Variants in DLGAP2 observed in about 807,000 individuals in gnomAD.
The protein encoded by DLGAP2 is disks large-associated protein 2.
Under a neutral mutation model 100.3 loss-of-function variants are expected in DLGAP2, and 26 were observed. The ratio of observed to expected loss-of-function variants is 0.26; its 90% CI spans 0.19 to 0.36. The LOEUF is 0.36. Among genes scored for constraint, DLGAP2 ranks in the 10% least tolerant of loss-of-function variants. DLGAP2 has a pLI of 1.00. For synonymous variants in DLGAP2, 886 were observed against 630.1 expected, an observed-to-expected ratio of 1.41 and a Z score of -6.08; for missense variants, 1,858 against 1,453.2, an observed-to-expected ratio of 1.28 and a Z score of -4.53.
chr8:1,354,638 T>C (rs1801808256), intron 3 of DLGAP2, among the ~76,000 whole-genome samples: 2 of 147,840 alleles, frequency 1.4e-5, no homozygotes, highest in African/African-American at 5.0e-5. Context: ...AAGTCACGGA[T>C]GATGCTGCGG....
At chr8:953,711 C>T (rs1006757642) in intron 2 of DLGAP2, among the ~76,000 whole-genome samples, 2 of 152,040 alleles carry the variant, frequency 1.3e-5, no homozygotes, top group African/African-American at 4.8e-5. Context: ...GGAGCTGACG[C>T]TGTCACAGTG....
chr8:1,445,963 T>C (rs1797975056), intron 3 of DLGAP2, among the ~76,000 whole-genome samples: 1 of 152,202 alleles, frequency 6.6e-6, no homozygotes, highest in Non-Finnish European at 1.5e-5. Context: ...GTAAATTTGT[T>C]TGAGTTCATT....
intron 2 of DLGAP2, among the ~76,000 whole-genome samples, chr8:1,056,694 A>G (rs1802892461): frequency 6.6e-6 from 1 of 152,244 alleles, no homozygotes; most frequent in African/African-American, 2.4e-5. Flanking sequence ...TCAGCTCTGG[A>G]GTCAGACTGA....
intron 2 of DLGAP2, among the ~76,000 whole-genome samples, chr8:913,042 GT>G (rs1216995171): frequency 6.6e-6 from 1 of 152,226 alleles, no homozygotes; most frequent in African/African-American, 2.4e-5. Flanking sequence ...TGTAACCTTT[GT>G]AACAGAGTGC....
chr8:1,652,776 A>C (rs73671289), intron 8 of DLGAP2, among the ~76,000 whole-genome samples: 16,614 of 152,258 alleles, frequency 0.11, 1,143 homozygotes, highest in Middle Eastern at 0.22. Context: ...AAAGAATAAC[A>C]TGCGAGACAG....
intron 12 of DLGAP2, among the ~76,000 whole-genome samples, chr8:1,682,185 CCA>C (rs749978787): frequency 3.9e-5 from 6 of 152,186 alleles, no homozygotes; most frequent in Non-Finnish European, 8.8e-5. Context: ...CACGTGTGGT[CCA>C]CAGAGTCCCT....
intron 2 of DLGAP2, among the ~76,000 whole-genome samples, chr8:1,184,957 C>T (rs1797467605): frequency 6.6e-6 from 1 of 152,114 alleles, no homozygotes; most frequent in East Asian, 1.9e-4. Flanking sequence ...GATTTCAGAC[C>T]CAGGTTTGCT....
chr8:1,638,028 G>C (rs1585020460), intron 8 of DLGAP2, among the ~76,000 whole-genome samples: 1 of 152,188 alleles, frequency 6.6e-6, no homozygotes, highest in East Asian at 1.9e-4. Flanking sequence ...GGGATTCGCA[G>C]GGCACCCGGC....
chr8:970,131 T>G (rs181741851), intron 2 of DLGAP2, among the ~76,000 whole-genome samples: 39 of 152,306 alleles, frequency 2.6e-4, no homozygotes, highest in African/African-American at 8.9e-4. Context: ...GGCATTCATT[T>G]TGGAGCTGCA....
intron 3 of DLGAP2, among the ~76,000 whole-genome samples, chr8:1,421,536 G>A (rs1797087583): frequency 1.3e-5 from 2 of 152,014 alleles, no homozygotes; most frequent in South Asian, 4.2e-4. Context: ...ATGGGGTGGG[G>A]GGAATTTAGT....
chr8:1,130,709 C>T (rs1796274045), intron 2 of DLGAP2, among the ~76,000 whole-genome samples: 1 of 152,248 alleles, frequency 6.6e-6, no homozygotes, highest in Non-Finnish European at 1.5e-5. Flanking sequence ...TCCTCCCAGG[C>T]AGGGCGTCCC....
At chr8:1,424,298 C>T (rs1584885760) in intron 3 of DLGAP2, among the ~76,000 whole-genome samples, 1 of 152,336 alleles carries the variant, frequency 6.6e-6, no homozygotes, top group Non-Finnish European at 1.5e-5. Flanking sequence ...AATCTAAAGA[C>T]AACAGAGACT....
chr8:1,344,322 G>C (rs5028021), intron 3 of DLGAP2, among the ~76,000 whole-genome samples: 1 of 151,768 alleles, frequency 6.6e-6, no homozygotes, highest in Non-Finnish European at 1.5e-5. Flanking sequence ...ACAGCCTTCA[G>C]GGTGCCACCT....
intron 5 of DLGAP2, among the ~76,000 whole-genome samples, chr8:1,562,978 CTGTG>C (rs1198636703): frequency 4.6e-5 from 3 of 65,912 alleles, no homozygotes; most frequent in African/African-American, 6.9e-5. Context: ...TACTGGGGGA[CTGTG>C]TGGTGTTGGG....
intron 1 of DLGAP2, among the ~76,000 whole-genome samples, chr8:888,405 A>C (rs765293682): frequency 2.6e-5 from 4 of 152,110 alleles, no homozygotes; most frequent in Non-Finnish European, 5.9e-5. Flanking sequence ...CTGATCCTCC[A>C]TCCAGTTCTG....
At chr8:768,140 G>A (rs746317624) in intron 1 of DLGAP2, among the ~76,000 whole-genome samples, 3 of 152,116 alleles carry the variant, frequency 2.0e-5, no homozygotes, top group East Asian at 1.9e-4. Flanking sequence ...TCATTGTCCA[G>A]TTGGGTTTGA....
In DLGAP2 at chr8:1,261,094, G is replaced by A. The variant is rs568408068; in HGVS notation, c.106+2211G>A. Among the ~76,000 whole-genome samples the A allele has an allele frequency of 2.4e-4, 36 of 151,312 alleles. 1 individual carries two copies. In the South Asian group the frequency reaches 2.5e-3, roughly 11 times the overall value. On this transcript the variant is annotated intron_variant, in intron 3 of 14. Transcript: ENST00000637795. ...CCAGATCTTTAAAACGAGACAGACC[G>A]GGAGGGCTGGTCAACTTCCAGATCT...
intron 3 of DLGAP2, among the ~76,000 whole-genome samples, chr8:1,484,924 T>A (rs1031418457): frequency 6.6e-6 from 1 of 152,212 alleles, no homozygotes; most frequent in Non-Finnish European, 1.5e-5. Flanking sequence ...TCTCCTTTGC[T>A]GTCTGCCCCC....
At chr8:1,096,811 C>T (rs1326582174) in intron 2 of DLGAP2, among the ~76,000 whole-genome samples, 23 of 144,728 alleles carry the variant, frequency 1.6e-4, no homozygotes, top group African/African-American at 5.0e-4. Context: ...GTGTGAGACC[C>T]AGCTCCCTGC....
Sources: allele counts gnomAD v4.1 joint callset (sites outside exome capture counted in the v4.1 genomes callset), GRCh38; gene constraint gnomAD v4.1.1; transcripts MANE v1.5; gene names NCBI Gene and HGNC (gene_info 2026-07-23, HGNC 2026-07-21).